Variants in ANKS6 observed in about 807,000 individuals in gnomAD.
ANKS6 encodes ankyrin repeat and SAM domain-containing protein 6.
Under a neutral mutation model 77.9 loss-of-function variants are expected in ANKS6, and 47 were observed. The ratio of observed to expected loss-of-function variants is 0.60; its 90% CI spans 0.48 to 0.77. The LOEUF (loss-of-function observed/expected upper bound fraction) is 0.77, where lower values mean the gene tolerates loss of function less well. ANKS6 is among the 30% of genes least tolerant of loss of function. ANKS6 has a pLI of 0.00. For missense variants in ANKS6, 1,150 were observed against 1,159.1 expected (o/e 0.99, Z 0.11); for synonymous variants, 488 against 501.7 (o/e 0.97, Z 0.37).
intron 11 of ANKS6, among the ~76,000 whole-genome samples, chr9:98,764,394 T>C (rs1833162765): frequency 1.3e-5 from 2 of 152,214 alleles, no homozygotes; most frequent in Admixed American, 6.5e-5. Context: ...CTGTCATTAA[T>C]TTGAGAAAAT....
chr9:98,740,849 A>T (rs1831788175), intron 14 of ANKS6, among the ~76,000 whole-genome samples: 1 of 152,274 alleles, frequency 6.6e-6, no homozygotes, highest in Non-Finnish European at 1.5e-5. Context: ...ATCTCAAAAA[A>T]TGCAAATTAA....
intron 1 of ANKS6, chr9:98,795,874 T>A: frequency 2.9e-6 from 1 of 343,192 alleles, no homozygotes; most frequent in Non-Finnish European, 5.2e-6. Context: ...TCTAAGGTTC[T>A]AAGTCTCTAC....
In ANKS6 at chr9:98,780,374, T is replaced by C. The variant is rs771217142; in HGVS notation, c.1220-37A>G. ...AAAGGCATCATTTTACCTGCAAATA[T>C]GTCTGTTGGGCCATAAGGAGAAGAC... is the stretch of plus-strand genomic sequence containing the variant. On this transcript the variant is annotated intron_variant, in intron 5 of 14. Transcript: ENST00000353234. 7 of 1,545,400 alleles carry C rather than the reference T, an allele frequency of 4.5e-6. No homozygotes were observed. In the African/African-American group the frequency reaches 9.5e-5, roughly 21 times the overall value.
intron 11 of ANKS6, among the ~76,000 whole-genome samples, chr9:98,760,647 T>C (rs1402722411): frequency 6.6e-6 from 1 of 152,204 alleles, no homozygotes; most frequent in Non-Finnish European, 1.5e-5. Flanking sequence ...AATCACACAA[T>C]TTGTAGATTT....
chr9:98,776,400 CTT>C (rs11320839), intron 8 of ANKS6, among the ~76,000 whole-genome samples: 3,789 of 138,644 alleles, frequency 0.027, 105 homozygotes, highest in African/African-American at 0.079. Context: ...GCCAAAAACC[CTT>C]TTTTTTTTTT....
intron 2 of ANKS6, among the ~76,000 whole-genome samples, chr9:98,785,498 G>T (rs1408295160): frequency 1.3e-5 from 2 of 152,224 alleles, no homozygotes; most frequent in Non-Finnish European, 2.9e-5. Context: ...CTGCTAGGCT[G>T]GGGCCGGACC....
intron 7 of ANKS6, 68 bp downstream of exon 7, chr9:98,778,158 G>T: frequency 6.5e-7 from 1 of 1,547,054 alleles, no homozygotes; most frequent in Non-Finnish European, 8.8e-7. Flanking sequence ...CAGGAGGTAG[G>T]ATGAAGGGCA....
In ANKS6 at chr9:98,790,180, G is replaced by T. The variant is rs370312253; in HGVS notation, c.786C>A (p.Phe262Leu). 8 of 1,601,964 alleles carry T rather than the reference G, an allele frequency of 5.0e-6. No individual in the cohort carries two copies. In the South Asian group the frequency reaches 8.8e-5, roughly 18 times the overall value. ...DHLSVLEKTAFEVALDCKHRD... is the reference protein window; with the variant it reads ...DHLSVLEKTALEVALDCKHRD... ...TGTGCTTGCAGTCCAGTGCAACCTC[G>T]AAGGCGGTCTTCTCCAGCACGCTGA... Residue 262 changes from phenylalanine (F) to leucine (L), a missense_variant, in exon 2 of 15, where the codon TTC becomes TTA. Phe to Leu is a conservative substitution (Grantham distance 22). Transcript: ENST00000353234.
At chr9:98,759,121 C>T (rs1832878205) in intron 11 of ANKS6, among the ~76,000 whole-genome samples, 1 of 151,990 alleles carries the variant, frequency 6.6e-6, no homozygotes, top group Non-Finnish European at 1.5e-5. Context: ...CTGAAAAACA[C>T]ATAGTGTTAT....
intron 13 of ANKS6, among the ~76,000 whole-genome samples, chr9:98,749,468 C>T (rs905354380): frequency 2.6e-5 from 4 of 152,226 alleles, no homozygotes; most frequent in African/African-American, 9.6e-5. Context: ...GTTCCCTACG[C>T]TGGACAACCA....
intron 12 of ANKS6, among the ~76,000 whole-genome samples, chr9:98,755,406 A>T (rs1449462323): frequency 6.6e-6 from 1 of 152,142 alleles, no homozygotes; most frequent in Non-Finnish European, 1.5e-5. Context: ...TCTAGAGGGC[A>T]GTTTAAAAGG....
chr9:98,782,640 A>T, intron 4 of ANKS6, 67 bp from the exon 5 acceptor site: 1 of 1,226,164 alleles, frequency 8.2e-7, no homozygotes, highest in Non-Finnish European at 1.2e-6. Context: ...GGGCAACAAA[A>T]CCAACATTAA....
chr9:98,751,841 GA>G (rs1006989833), intron 12 of ANKS6, among the ~76,000 whole-genome samples: 1 of 152,198 alleles, frequency 6.6e-6, no homozygotes, highest in African/African-American at 2.4e-5. Flanking sequence ...AGGATCTTGG[GA>G]GGCCAAGGAT....
intron 12 of ANKS6, among the ~76,000 whole-genome samples, chr9:98,753,548 G>C (rs1428209907): frequency 2.0e-5 from 3 of 151,814 alleles, no homozygotes; most frequent in Non-Finnish European, 4.4e-5. Context: ...TGAGACCAGG[G>C]AGGTTGAGGC....
chr9:98,744,357 G>C (rs565367354), intron 14 of ANKS6, among the ~76,000 whole-genome samples: 2 of 152,332 alleles, frequency 1.3e-5, no homozygotes, highest in South Asian at 4.1e-4. Flanking sequence ...GTGCTGCAGA[G>C]AGGTGAAGAG....
chr9:98,740,370 T>C (rs553166104), intron 14 of ANKS6, among the ~76,000 whole-genome samples: 2 of 152,308 alleles, frequency 1.3e-5, no homozygotes, highest in African/African-American at 2.4e-5. Flanking sequence ...TGACAGAGCA[T>C]TGGATGCCAA....
At chr9:98,789,881 C>T (rs1466359080) in intron 2 of ANKS6, 5 of 559,336 alleles carry the variant, frequency 8.9e-6, no homozygotes, top group South Asian at 5.2e-5. Context: ...GGCTTCCAGG[C>T]TCTTGCCCAG....
intron 11 of ANKS6, 33 bp downstream of exon 11, chr9:98,768,048 G>A (rs1383086362): frequency 5.7e-6 from 9 of 1,577,402 alleles, no homozygotes; most frequent in Admixed American, 5.5e-5. Context: ...GAATCTGTGA[G>A]TGTAACAGGA....
At position 98,778,245 on chromosome 9, in the gene ANKS6, G is replaced by A. The variant is rs1226947204; in HGVS notation, c.1548C>T (p.Ala516=). 1 of 1,614,138 alleles carries A rather than the reference G, an allele frequency of 6.2e-7. No homozygotes were observed. The highest frequency in any genetic ancestry group is 8.5e-7 in the Non-Finnish European group (1 of 1,180,008). ...KTSRSALPDA[A]PVTKDNGPGS... The stretch of plus-strand genomic sequence containing the variant: ...TCTCACCATTGTCTTTGGTCACAGG[G>A]GCCGCATCAGGGAGTGCAGAGCGGC... Residue 516 remains alanine, a synonymous_variant, in exon 7 of 15, where the codon GCC becomes GCT. Transcript: ENST00000353234.
Sources: gnomAD v4.1 joint callset for allele counts (sites outside exome capture counted in the v4.1 genomes callset) on GRCh38, gnomAD v4.1.1 for gene constraint, MANE v1.5 for transcripts, NCBI Gene and HGNC (gene_info 2026-07-23, HGNC 2026-07-21) for gene names.